Variants in MTBP observed in about 807,000 individuals in gnomAD.
MTBP encodes mdm2-binding protein.
In MTBP, 101 loss-of-function variants were observed where a neutral mutation model predicts 117.0. The ratio of observed to expected loss-of-function variants is 0.86; its 90% CI spans 0.73 to 1.02. The LOEUF (loss-of-function observed/expected upper bound fraction) is 1.02, where lower values mean the gene tolerates loss of function less well. Ranked by LOEUF, MTBP falls within the 50% of genes least tolerant of loss-of-function variation. MTBP has a pLI of 0.00. For missense variants in MTBP, 970 were observed against 1,030.9 expected (o/e 0.94, Z 0.81); for synonymous variants, 350 against 351.5 (o/e 1.00, Z 0.05).
At chr8:120,479,083 C>T (rs1433983852) in intron 11 of MTBP, among the ~76,000 whole-genome samples, 1 of 152,148 alleles carries the variant, frequency 6.6e-6, no homozygotes, top group Non-Finnish European at 1.5e-5. Context: ...CATTTTCTCA[C>T]AAATGGAGGC....
Position 120,515,905 on chromosome 8 carries a change from T to G in MTBP, c.1980-20T>G, listed in dbSNP as rs777940408. The G allele has an allele frequency of 6.2e-7, 1 of 1,606,784 alleles. No homozygotes were observed. ...GCTCTCATGGAGGTTTACATTTTAATGCTCTTTCACTCATTTTAGATATTG... is the reference window on the plus strand; with the variant it reads ...GCTCTCATGGAGGTTTACATTTTAAGGCTCTTTCACTCATTTTAGATATTG... On this transcript the variant is annotated intron_variant, in intron 17 of 21. Coordinates refer to ENST00000305949, the MANE Select transcript of MTBP (RefSeq NM_022045.5).
Position 120,516,193 on chromosome 8 carries a change from T to C in MTBP, c.2246+2T>C. 1 of 1,605,912 alleles carries C rather than the reference T, an allele frequency of 6.2e-7. No individual in the cohort carries two copies. The highest frequency in any genetic ancestry group is 8.5e-7 in the Non-Finnish European group (1 of 1,173,816). On this transcript the variant is annotated splice_donor_variant, in intron 18 of 21. Coordinates refer to ENST00000305949, the MANE Select transcript of MTBP (RefSeq NM_022045.5). LOFTEE classifies it high-confidence loss of function. ...GAATTGCCTTTATCCCAGAAAAAGG[T>C]GATATATTACATGCACATAAATAGT...
At chr8:120,486,520 G>A (rs1239623108) in intron 11 of MTBP, among the ~76,000 whole-genome samples, 1 of 152,132 alleles carries the variant, frequency 6.6e-6, no homozygotes, top group Admixed American at 6.6e-5. Flanking sequence ...TTATGAGTAG[G>A]GGCTAGGTGG....
At chr8:120,516,799 T>A (rs998196024) in intron 18 of MTBP, among the ~76,000 whole-genome samples, 1 of 152,020 alleles carries the variant, frequency 6.6e-6, no homozygotes, top group African/African-American at 2.4e-5. Context: ...GTTCTTGGCA[T>A]CTAAAGCAAG....
At chr8:120,463,243 T>C (rs528465801) in intron 9 of MTBP, among the ~76,000 whole-genome samples, 1 of 152,260 alleles carries the variant, frequency 6.6e-6, no homozygotes, top group South Asian at 2.1e-4. Context: ...TTTTATGTAT[T>C]TAAGTAAATA....
intron 15 of MTBP, 22 bp from the exon 16 acceptor site, chr8:120,506,684 C>A: frequency 1.3e-6 from 2 of 1,509,798 alleles, no homozygotes; most frequent in Non-Finnish European, 1.8e-6. Flanking sequence ...TTTAATAAAT[C>A]TGCATAACAT....
chr8:120,516,952 T>C (rs1814931156), intron 18 of MTBP, among the ~76,000 whole-genome samples: 1 of 151,992 alleles, frequency 6.6e-6, no homozygotes, highest in African/African-American at 2.4e-5. Context: ...TATGAGGACT[T>C]TATAAATTCA....
chr8:120,455,646 T>C, intron 6 of MTBP, 67 bp downstream of exon 6: 1 of 1,453,324 alleles, frequency 6.9e-7, no homozygotes, highest in Admixed American at 1.8e-5. Context: ...CATACTATTC[T>C]CTTTTCAGAC....
intron 12 of MTBP, among the ~76,000 whole-genome samples, chr8:120,489,998 C>A (rs916931805): frequency 1.3e-5 from 2 of 152,108 alleles, no homozygotes; most frequent in African/African-American, 4.8e-5. Flanking sequence ...GTAAAATGGG[C>A]ATGAAGAATG....
intron 12 of MTBP, 64 bp from the exon 13 acceptor site, chr8:120,490,399 C>A: frequency 1.0e-6 from 1 of 974,316 alleles, no homozygotes; most frequent in Non-Finnish European, 1.6e-6. Flanking sequence ...TTCCCAGGAA[C>A]TGAGTACTAA....
At chr8:120,463,627 C>T in intron 9 of MTBP, 65 bp from the exon 10 acceptor site, 1 of 1,262,182 alleles carries the variant, frequency 7.9e-7, no homozygotes, top group Admixed American at 2.2e-5. Flanking sequence ...AATAATGAAA[C>T]TTATTTTAAG....
chr8:120,509,083 T>C (rs1209822488), intron 16 of MTBP, among the ~76,000 whole-genome samples: 2 of 152,168 alleles, frequency 1.3e-5, no homozygotes, highest in Non-Finnish European at 2.9e-5. Flanking sequence ...CAGCAGTTAG[T>C]CTCTATACCC....
chr8:120,515,211 G>T (rs1199377161), intron 17 of MTBP, among the ~76,000 whole-genome samples: 1 of 152,028 alleles, frequency 6.6e-6, no homozygotes, highest in Non-Finnish European at 1.5e-5. Context: ...TAATGCTGTT[G>T]TAGATAAGGA....
chr8:120,498,614 A>G (rs1814519405), intron 14 of MTBP, among the ~76,000 whole-genome samples: 1 of 152,220 alleles, frequency 6.6e-6, no homozygotes, highest in Non-Finnish European at 1.5e-5. Flanking sequence ...TAAATTGCTT[A>G]GGCAGTTGCC....
Position 120,522,645 on chromosome 8 carries a change from T to C in MTBP, c.2611-9T>C. ...CAGATTGTAAAATGCTGTATTTTATTATGTTTAGGATCTTAAAACTTCAAG... is the reference window on the plus strand; with the variant it reads ...CAGATTGTAAAATGCTGTATTTTATCATGTTTAGGATCTTAAAACTTCAAG... On this transcript the variant is annotated splice_polypyrimidine_tract_variant and intron_variant, in intron 20 of 21. Transcript: ENST00000305949. 6.4e-7 allele frequency: 1 copy of C among 1,559,506 alleles called. No homozygotes were observed. The highest frequency in any genetic ancestry group is 1.7e-5 in the Admixed American group (1 of 57,804).
intron 13 of MTBP, among the ~76,000 whole-genome samples, chr8:120,494,078 A>C (rs1050162302): frequency 2.0e-5 from 3 of 152,204 alleles, no homozygotes; most frequent in Non-Finnish European, 4.4e-5. Context: ...ACCAATGTCC[A>C]CATTGGTGAT....
chr8:120,484,755 G>A (rs1290234532), intron 11 of MTBP, among the ~76,000 whole-genome samples: 1 of 152,070 alleles, frequency 6.6e-6, no homozygotes, highest in Non-Finnish European at 1.5e-5. Context: ...CAAGTTTAGG[G>A]CATCTTAATC....
Position 120,459,352 on chromosome 8 carries a change from A to G in MTBP, c.882+3A>G. 5.0e-6 allele frequency: 8 copies of G among 1,590,726 alleles called. No homozygotes were observed. The highest frequency in any genetic ancestry group is 6.8e-6 in the Non-Finnish European group (8 of 1,171,444). ...AGGATAAGAATATTTTGCCAAAGGTAATCGTGTTTAATTTTTTTGTGTGAT... is the reference window on the plus strand; with the variant it reads ...AGGATAAGAATATTTTGCCAAAGGTGATCGTGTTTAATTTTTTTGTGTGAT... On this transcript the variant is annotated splice_donor_region_variant and intron_variant, in intron 8 of 21. Transcript: ENST00000305949.
chr8:120,477,153 A>G (rs895154328), intron 11 of MTBP, among the ~76,000 whole-genome samples: 3 of 152,230 alleles, frequency 2.0e-5, no homozygotes, highest in Non-Finnish European at 2.9e-5. Flanking sequence ...CAATGGGGAA[A>G]GGATTCCATA....
Sources: gnomAD v4.1 joint callset for allele counts (sites outside exome capture counted in the v4.1 genomes callset) on GRCh38, gnomAD v4.1.1 for gene constraint, MANE v1.5 for transcripts, NCBI Gene and HGNC (gene_info 2026-07-23, HGNC 2026-07-21) for gene names.